SLC39A10: variants seen among roughly 807,000 people sequenced by gnomAD.
SLC39A10 encodes zinc transporter ZIP10.
Under a neutral mutation model 65.1 loss-of-function variants are expected in SLC39A10, and 13 were observed. The ratio of observed to expected loss-of-function variants is 0.20; its 90% CI spans 0.13 to 0.32. The LOEUF (loss-of-function observed/expected upper bound fraction) is 0.32. Ranked by LOEUF, SLC39A10 falls within the 10% of genes least tolerant of loss-of-function variation. The pLI is 1.00. For synonymous variants in SLC39A10, 321 were observed against 342.2 expected (o/e 0.94, Z 0.68); for missense variants, 831 against 1,018.4 (o/e 0.82, Z 2.50).
At chr2:195,722,548 A>G (rs1021421959) in intron 8 of SLC39A10, among the ~76,000 whole-genome samples, 2 of 152,228 alleles carry the variant, frequency 1.3e-5, no homozygotes, top group Non-Finnish European at 2.9e-5. Context: ...TGATCAGATC[A>G]TCTATTCTTA....
intron 3 of SLC39A10, among the ~76,000 whole-genome samples, chr2:195,694,156 T>G (rs942988564): frequency 3.3e-5 from 5 of 152,218 alleles, no homozygotes; most frequent in African/African-American, 1.2e-4. Flanking sequence ...CATTGTGGTC[T>G]GAGACAGTAC....
Position 195,666,920 on chromosome 2 carries a change from A to G in SLC39A10, c.-12+9639A>G, listed in dbSNP as rs186484183. Among the ~76,000 whole-genome samples, 303 of 152,358 alleles carry G rather than the reference A, an allele frequency of 2.0e-3. 2 individuals are homozygous for G. Among genetic ancestry groups the G allele is most frequent in the Non-Finnish European group, 3.5e-3 (235 of 68,034 alleles). On this transcript the variant is annotated intron_variant, in intron 1 of 9. Transcript: ENST00000359634. ...GCAATATTACAGGTAGCTTTCTCCA[A>G]TATGGTTCCAGGTTCCCTGTAATGA...
At chr2:195,690,346 C>G (rs1486844147) in intron 3 of SLC39A10, among the ~76,000 whole-genome samples, 1 of 149,784 alleles carries the variant, frequency 6.7e-6, no homozygotes, top group Non-Finnish European at 1.5e-5. Context: ...ACATGGGCAT[C>G]TCTCTCTCTC....
At chr2:195,667,470 C>G (rs1574244120) in intron 1 of SLC39A10, among the ~76,000 whole-genome samples, 1 of 152,276 alleles carries the variant, frequency 6.6e-6, no homozygotes, top group East Asian at 1.9e-4. Flanking sequence ...CTCCTGCAAT[C>G]TAGAGCAGGT....
At chr2:195,727,850 T>G (rs111861239) in intron 8 of SLC39A10, among the ~76,000 whole-genome samples, 3 of 152,214 alleles carry the variant, frequency 2.0e-5, no homozygotes, top group African/African-American at 7.2e-5. Flanking sequence ...TGCTCTTCCT[T>G]TAGAGTCGCA....
At chr2:195,625,979 T>C (rs940935898) in intron 2 of SLC39A10, among the ~76,000 whole-genome samples, 8 of 152,230 alleles carry the variant, frequency 5.3e-5, no homozygotes, top group Admixed American at 2.6e-4. Flanking sequence ...AGACAGGGTT[T>C]CACCACATTG....
Position 195,716,653 on chromosome 2 carries a change from T to C in SLC39A10, c.1713T>C (p.Val571=), listed in dbSNP as rs1245259109. ...TAAATACAGGAACTGATGACTCGGT[T>C]GTTTCTGAAGATCGACTTAATGAAA... ...LKPLAGTDDS[V]VSEDRLNETE... Residue 571 remains valine, a synonymous_variant, in exon 7 of 10, where the codon GTT becomes GTC. Coordinates refer to ENST00000359634, the MANE Select transcript of SLC39A10 (RefSeq NM_020342.3). 1 of 1,606,304 alleles carries C rather than the reference T, an allele frequency of 6.2e-7. No individual in the cohort carries two copies. The highest frequency in any genetic ancestry group is 8.5e-7 in the Non-Finnish European group (1 of 1,176,616).
At chr2:195,676,819 C>G (rs1274974708) in intron 1 of SLC39A10, among the ~76,000 whole-genome samples, 4 of 152,126 alleles carry the variant, frequency 2.6e-5, no homozygotes, top group African/African-American at 7.2e-5. Flanking sequence ...AAACAGCTAC[C>G]AGGATTTTAA....
At chr2:195,657,799 C>T (rs1164717528) in intron 1 of SLC39A10, among the ~76,000 whole-genome samples, 1 of 152,196 alleles carries the variant, frequency 6.6e-6, no homozygotes, top group East Asian at 1.9e-4. Context: ...CAGTCCTTCT[C>T]TCTGGTCTGT....
At chr2:195,681,837 T>C (rs565793347) in intron 2 of SLC39A10, among the ~76,000 whole-genome samples, 1 of 152,318 alleles carries the variant, frequency 6.6e-6, no homozygotes, top group South Asian at 2.1e-4. Flanking sequence ...GTTCATAAAT[T>C]GTTAATTTAT....
At chr2:195,620,091 T>G (rs1301496907) in intron 2 of SLC39A10, among the ~76,000 whole-genome samples, 1 of 152,064 alleles carries the variant, frequency 6.6e-6, no homozygotes, top group Non-Finnish European at 1.5e-5. Flanking sequence ...CCCAGCTAAT[T>G]TTTTGTATTT....
chr2:195,616,858 C>A (rs988142463), intron 2 of SLC39A10, among the ~76,000 whole-genome samples: 2 of 152,228 alleles, frequency 1.3e-5, no homozygotes, highest in Non-Finnish European at 2.9e-5. Flanking sequence ...CCACCTCAGC[C>A]TCCCGAAGTT....
intron 9 of SLC39A10, among the ~76,000 whole-genome samples, chr2:195,733,637 TCTC>T (rs1412031116): frequency 1.3e-5 from 2 of 152,112 alleles, no homozygotes; most frequent in Non-Finnish European, 2.9e-5. Flanking sequence ...TTCAAGCAGT[TCTC>T]CTGCCTCAGC....
chr2:195,647,693 TCCACCACCA>T (rs61694088), intron 2 of SLC39A10, among the ~76,000 whole-genome samples: 1 of 149,630 alleles, frequency 6.7e-6, no homozygotes, highest in Non-Finnish European at 1.5e-5. Context: ...TTAATTACCA[TCCACCACCA>T]CCACCACCAC....
intron 2 of SLC39A10, among the ~76,000 whole-genome samples, chr2:195,642,267 G>C (rs1029853945): frequency 1.3e-5 from 2 of 152,132 alleles, no homozygotes; most frequent in African/African-American, 4.8e-5. Flanking sequence ...GTGAGAAGTA[G>C]AATATGGACA....
intron 3 of SLC39A10, among the ~76,000 whole-genome samples, chr2:195,706,296 G>C (rs1691393743): frequency 6.6e-6 from 1 of 150,732 alleles, no homozygotes; most frequent in African/African-American, 2.4e-5. Context: ...TCTGCCTTTA[G>C]ACTTGGGAAA....
intron 8 of SLC39A10, among the ~76,000 whole-genome samples, chr2:195,721,987 G>T (rs1692061503): frequency 6.6e-6 from 1 of 152,176 alleles, no homozygotes; most frequent in Admixed American, 6.5e-5. Context: ...TCTCATTGAA[G>T]GAGTGACACA....
At position 195,736,738 on chromosome 2, in the gene SLC39A10, T is replaced by TAAG. The variant is rs1293936391; in HGVS notation, c.*1698_*1700dup. ...GACTTACTCCATGGCCTCCTTATAA[T>TAAG]AAGTAGAAGTTTTATATATAATTAA... On this transcript the variant is annotated 3_prime_UTR_variant, in exon 10 of 10. Coordinates refer to ENST00000359634, the MANE Select transcript of SLC39A10 (RefSeq NM_020342.3). 2.0e-5 allele frequency: 3 copies of TAAG among 152,484 alleles called. No individual in the cohort carries two copies. Among genetic ancestry groups the TAAG allele is most frequent in the Non-Finnish European group, 2.9e-5 (2 of 68,040 alleles). 9.4% of individuals were successfully genotyped at this position (152,484 alleles called of 1,614,324 possible). A position where few individuals can be genotyped will look rare whatever the true frequency, so the allele number is the denominator to read the frequency against.
At chr2:195,645,966 G>A (rs1688905524) in intron 2 of SLC39A10, among the ~76,000 whole-genome samples, 1 of 152,056 alleles carries the variant, frequency 6.6e-6, no homozygotes, top group African/African-American at 2.4e-5. Flanking sequence ...TTTTTGAGAT[G>A]GGGTCTCACT....
Sources: gnomAD v4.1 joint callset for allele counts (sites outside exome capture counted in the v4.1 genomes callset) on GRCh38, gnomAD v4.1.1 for gene constraint, MANE v1.5 for transcripts, NCBI Gene and HGNC (gene_info 2026-07-23, HGNC 2026-07-21) for gene names.